The following KLHL4 variants were observed in gnomAD, a reference collection of about 807,000 sequenced individuals.
KLHL4 encodes the protein kelch-like protein 4.
Under a neutral mutation model 45.8 loss-of-function variants are expected in KLHL4, and 17 were observed. That is an observed-to-expected ratio of 0.37 (90% CI 0.25 to 0.56). The LOEUF (loss-of-function observed/expected upper bound fraction) is 0.56. KLHL4 is among the 20% of genes least tolerant of loss of function. The probability of loss-of-function intolerance (pLI) is 0.79; values close to 1 mark genes in which losing one functional copy is unlikely to be tolerated. For missense variants in KLHL4, 544 were observed against 544.9 expected, an observed-to-expected ratio of 1.00 and a Z score of 0.02; for synonymous variants, 224 against 189.9, an observed-to-expected ratio of 1.18 and a Z score of -1.47.
rs779417777 is a variant in KLHL4, at chrX:87,574,671, T to C, written c.423-39206T>C. 6.3e-5 allele frequency among the ~76,000 whole-genome samples: 7 copies of C among 111,666 alleles called. No individual in the cohort carries two copies. The East Asian group carries it at 2.0e-3, about 32-fold the overall frequency. ...TGCCACCACGAAATTAGGAGGCTAATCAGTGTGGGCATATGTTTGTGTGTG... is the reference window on the plus strand; with the variant it reads ...TGCCACCACGAAATTAGGAGGCTAACCAGTGTGGGCATATGTTTGTGTGTG... On this transcript the variant is annotated intron_variant, in intron 1 of 10. Transcript: ENST00000373119.
intron 1 of KLHL4, among the ~76,000 whole-genome samples, chrX:87,611,329 T>C (rs1327695810): frequency 9.0e-6 from 1 of 111,217 alleles, no homozygotes; most frequent in Non-Finnish European, 1.9e-5. Flanking sequence ...TGTTTAAGAT[T>C]GGAGGTGGTA....
chrX:87,663,204 A>G (rs1027136132), intron 9 of KLHL4, among the ~76,000 whole-genome samples: 19 of 111,095 alleles, frequency 1.7e-4, no homozygotes, highest in African/African-American at 6.2e-4. Context: ...ATGTGGGAAA[A>G]TAAGACCATG....
At chrX:87,574,123 A>G (rs1209093002) in intron 1 of KLHL4, among the ~76,000 whole-genome samples, 1 of 112,044 alleles carries the variant, frequency 8.9e-6, no homozygotes, top group African/African-American at 3.2e-5. Flanking sequence ...TAGGTAGCCT[A>G]TGCAGTTCAG....
At chrX:87,646,085 A>C (rs190661299) in intron 9 of KLHL4, among the ~76,000 whole-genome samples, 1 of 111,690 alleles carries the variant, frequency 9.0e-6, no homozygotes, top group East Asian at 2.8e-4. Context: ...TAGCTCTGCT[A>C]TACAAAAACA....
chrX:87,661,167 C>T (rs759229204), intron 9 of KLHL4, among the ~76,000 whole-genome samples: 27 of 111,424 alleles, frequency 2.4e-4, no homozygotes, highest in Non-Finnish European at 4.9e-4. Flanking sequence ...TGTAATAAGT[C>T]CTAGCAAGAT....
rs1013005566 is a variant in KLHL4, at chrX:87,597,679, T to G, written c.423-16198T>G. ...TATTTGTTTTTCTGCGTGTAGAAAC[T>G]AAGGGCTATACTAGGTGGTAAACAT... is the stretch of plus-strand genomic sequence containing the variant. On this transcript the variant is annotated intron_variant, in intron 1 of 10. Coordinates refer to ENST00000373119, the MANE Select transcript of KLHL4 (RefSeq NM_019117.5). Among the ~76,000 whole-genome samples, 20 of 111,586 alleles carry G rather than the reference T, an allele frequency of 1.8e-4. No individual in the cohort carries two copies. The Admixed American group carries it at 1.9e-3, about 11-fold the overall frequency.
intron 4 of KLHL4, among the ~76,000 whole-genome samples, chrX:87,621,374 GA>G (rs752785787): frequency 1.0e-4 from 11 of 109,912 alleles, no homozygotes; most frequent in African/African-American, 2.6e-4. Flanking sequence ...TTATAAACTA[GA>G]AAAAAATATA....
intron 1 of KLHL4, among the ~76,000 whole-genome samples, chrX:87,605,378 T>C (rs1322463707): frequency 1.8e-5 from 2 of 111,507 alleles, no homozygotes; most frequent in African/African-American, 6.5e-5. Flanking sequence ...AGAAAATTAA[T>C]TCTTTCAATC....
chrX:87,622,070 G>A, intron 4 of KLHL4, 141 bp from the exon 5 acceptor site: 1 of 456,772 alleles, frequency 2.2e-6, no homozygotes, highest in Admixed American at 3.9e-5. Context: ...ACAGGTAGCA[G>A]GAGCACCTAT....
At chrX:87,546,233 T>A (rs748218300) in intron 1 of KLHL4, among the ~76,000 whole-genome samples, 3 of 110,565 alleles carry the variant, frequency 2.7e-5, no homozygotes, top group Non-Finnish European at 5.7e-5. Flanking sequence ...GAGGAAAAAA[T>A]TGTTTCATGG....
chrX:87,551,608 T>TAGATAGATAGATAGATAGATAGAA (rs761675267), intron 1 of KLHL4, among the ~76,000 whole-genome samples: 12,532 of 107,004 alleles, frequency 0.12, 708 homozygotes, highest in Admixed American at 0.22. Flanking sequence ...GATAGATAGA[T>TAGATAGATAGATAGATAGATAGAA]AGAAATAGAA....
chrX:87,629,905 C>T (rs1022878896), intron 6 of KLHL4, among the ~76,000 whole-genome samples: 1 of 111,621 alleles, frequency 9.0e-6, no homozygotes, highest in Non-Finnish European at 1.9e-5. Flanking sequence ...TATAATTTGA[C>T]CTCTTAGCAG....
chrX:87,644,865 T>C (rs1923580800), intron 9 of KLHL4, among the ~76,000 whole-genome samples: 3 of 112,026 alleles, frequency 2.7e-5, no homozygotes, highest in Middle Eastern at 4.2e-3. Flanking sequence ...AGAATTAAAC[T>C]GGATTCTCAT....
intron 9 of KLHL4, among the ~76,000 whole-genome samples, chrX:87,656,852 T>C (rs1924006177): frequency 8.9e-6 from 1 of 111,995 alleles, no homozygotes; most frequent in Non-Finnish European, 1.9e-5. Context: ...TTACTTTTAT[T>C]TGGATGAGAC....
At chrX:87,622,571 C>A in intron 5 of KLHL4, 148 bp downstream of exon 5, 1 of 383,538 alleles carries the variant, frequency 2.6e-6, no homozygotes, top group Non-Finnish European at 4.4e-6. Context: ...ACATATTCAG[C>A]CATCAATTAG....
At chrX:87,590,317 C>T (rs1353472532) in intron 1 of KLHL4, among the ~76,000 whole-genome samples, 2 of 109,938 alleles carry the variant, frequency 1.8e-5, no homozygotes, top group African/African-American at 3.3e-5. Flanking sequence ...CCCCAGAAAA[C>T]GATATAATCC....
chrX:87,635,067 C>T lies in KLHL4; in HGVS notation c.1713-496C>T, dbSNP rs765683876. Among the ~76,000 whole-genome samples, 68 of 111,892 alleles carry T rather than the reference C, an allele frequency of 6.1e-4. 1 individual carries two copies. The highest frequency in any genetic ancestry group is 1.2e-3 in the Admixed American group (13 of 10,567). ...CTTACGAGGGAAAAAAATCTAGTTT[C>T]TAGGTTCTATCCTCTTTCCTTAGTT... On this transcript the variant is annotated intron_variant, in intron 8 of 10. Transcript: ENST00000373119.
chrX:87,631,385 T>C (rs1186174365), intron 6 of KLHL4, among the ~76,000 whole-genome samples: 3 of 111,922 alleles, frequency 2.7e-5, no homozygotes, highest in Non-Finnish European at 1.9e-5. Flanking sequence ...GGGGGGCTGC[T>C]TTTGATTAGA....
chrX:87,563,003 AAC>A (rs1932133364), intron 1 of KLHL4, among the ~76,000 whole-genome samples: 1 of 111,233 alleles, frequency 9.0e-6, no homozygotes, highest in African/African-American at 3.3e-5. Context: ...CCCTGATTTT[AAC>A]CAAGACCACC....
Sources: allele counts gnomAD v4.1 joint callset (sites outside exome capture counted in the v4.1 genomes callset), GRCh38; gene constraint gnomAD v4.1.1; transcripts MANE v1.5; gene names NCBI Gene and HGNC (gene_info 2026-07-23, HGNC 2026-07-21).